Variants in AGMO observed in about 807,000 individuals in gnomAD.
AGMO encodes the protein alkylglycerol monooxygenase, also known as glyceryl-ether monooxygenase.
A neutral mutation model predicts 60.2 loss-of-function variants in AGMO; 75 were observed. That is an observed-to-expected ratio of 1.25 (90% CI 1.03 to 1.51). The LOEUF is 1.51. Among genes scored for constraint, AGMO ranks in the 40% most tolerant of loss-of-function variants. The probability of loss-of-function intolerance (pLI) is 0.00; values close to 1 mark genes in which losing one functional copy is unlikely to be tolerated. For missense variants in AGMO, 763 were observed against 525.5 expected (o/e 1.45, Z -4.42); for synonymous variants, 261 against 177.1 (o/e 1.47, Z -3.76).
In AGMO at chr7:15,561,940, C is replaced by T. The variant is rs1302731888; in HGVS notation, c.-95G>A. 1 of 1,345,618 alleles carries T rather than the reference C, an allele frequency of 7.4e-7. No individual in the cohort carries two copies. Among genetic ancestry groups the T allele is most frequent in the Admixed American group, 2.4e-5 (1 of 41,586 alleles). The allele number at this position is 1,345,618 out of a possible 1,614,324, so 83.4% of individuals were successfully genotyped here. On this transcript the variant is annotated 5_prime_UTR_variant, in exon 1 of 13. Coordinates refer to ENST00000342526, the MANE Select transcript of AGMO (RefSeq NM_001004320.2). Reference sequence around the variant, plus strand: ...AGAGGACGAGATGTGCAGCTCAGAACAAGCTCTTTGTCAGAGAACAGCTAA... The same window carrying T: ...AGAGGACGAGATGTGCAGCTCAGAATAAGCTCTTTGTCAGAGAACAGCTAA...
At chr7:15,484,387 C>T (rs745854393) in intron 3 of AGMO, among the ~76,000 whole-genome samples, 5 of 152,024 alleles carry the variant, frequency 3.3e-5, no homozygotes, top group Non-Finnish European at 7.4e-5. Flanking sequence ...GAAAGATAGA[C>T]AGTAGTGGTC....
the AGMO span, among the ~76,000 whole-genome samples, chr7:15,164,068 G>C: frequency 6.6e-6 from 1 of 152,060 alleles, no homozygotes; most frequent in Admixed American, 6.6e-5. Context: ...GAATAAAACA[G>C]AATAGAGAAC....
chr7:15,125,597 T>C, the AGMO span, among the ~76,000 whole-genome samples: 1 of 152,228 alleles, frequency 6.6e-6, no homozygotes, highest in African/African-American at 2.4e-5. Flanking sequence ...TGTTTATGCT[T>C]ACCAGGTGTC....
the AGMO span, among the ~76,000 whole-genome samples, chr7:15,143,181 T>C: frequency 6.6e-6 from 1 of 152,252 alleles, no homozygotes; most frequent in African/African-American, 2.4e-5. Flanking sequence ...CTCCAAGGAT[T>C]TGGAGTGCTT....
chr7:15,159,383 T>C, the AGMO span, among the ~76,000 whole-genome samples: 1 of 152,188 alleles, frequency 6.6e-6, no homozygotes, highest in Non-Finnish European at 1.5e-5. Context: ...AGAGATTGAT[T>C]GCTTTGTTTT....
chr7:15,530,784 CTA>C, intron 3 of AGMO, among the ~76,000 whole-genome samples: 1 of 114,594 alleles, frequency 8.7e-6, no homozygotes, highest in Non-Finnish European at 1.7e-5. Flanking sequence ...TATATATATT[CTA>C]TATATACATT....
At chr7:15,325,266 A>G (rs989244973) in intron 12 of AGMO, among the ~76,000 whole-genome samples, 16 of 152,230 alleles carry the variant, frequency 1.1e-4, no homozygotes, top group African/African-American at 3.9e-4. Context: ...GAAGGCATTA[A>G]AGGCTAATAA....
chr7:15,182,548 C>T, the AGMO span, among the ~76,000 whole-genome samples: 48 of 152,084 alleles, frequency 3.2e-4, no homozygotes, highest in African/African-American at 1.1e-3. Context: ...CCCGAGTAGC[C>T]GGGACTGCAT....
chr7:15,476,894 G>T (rs1782605731), intron 3 of AGMO, among the ~76,000 whole-genome samples: 1 of 152,062 alleles, frequency 6.6e-6, no homozygotes. Context: ...ATGGTTAAAT[G>T]ATATAAATGA....
At chr7:15,554,168 A>G (rs1332830816) in intron 2 of AGMO, among the ~76,000 whole-genome samples, 2 of 152,058 alleles carry the variant, frequency 1.3e-5, no homozygotes, top group African/African-American at 4.8e-5. Context: ...AAGACCTTGA[A>G]TCATAAACCA....
downstream of AGMO, among the ~76,000 whole-genome samples, chr7:15,197,591 G>A (rs1451114965): frequency 6.6e-6 from 1 of 152,178 alleles, no homozygotes; most frequent in African/African-American, 2.4e-5. Context: ...ATAGAGCTAA[G>A]GTAATGAGCA....
At chr7:15,274,284 T>A (rs1438586592) in intron 12 of AGMO, among the ~76,000 whole-genome samples, 1 of 152,184 alleles carries the variant, frequency 6.6e-6, no homozygotes, top group Non-Finnish European at 1.5e-5. Context: ...CTTATTGAGA[T>A]ATGTCTCATC....
chr7:15,302,153 GA>G (rs1237713523), intron 12 of AGMO, among the ~76,000 whole-genome samples: 1 of 152,060 alleles, frequency 6.6e-6, no homozygotes, highest in Admixed American at 6.6e-5. Flanking sequence ...TTGAGTCAAT[GA>G]ATTAATTGGT....
At chr7:15,541,645 T>C (rs1784633596) in intron 3 of AGMO, among the ~76,000 whole-genome samples, 1 of 152,118 alleles carries the variant, frequency 6.6e-6, no homozygotes. Context: ...TATCTTGGCA[T>C]AGTGATAGAG....
chr7:15,414,091 T>G (rs1780690277), intron 5 of AGMO, among the ~76,000 whole-genome samples: 1 of 151,720 alleles, frequency 6.6e-6, no homozygotes, highest in East Asian at 1.9e-4. Context: ...CACTGCAAGC[T>G]CCGCCTCCCA....
chr7:15,341,540 C>T (rs941047240), intron 12 of AGMO, among the ~76,000 whole-genome samples: 3 of 152,168 alleles, frequency 2.0e-5, no homozygotes, highest in Non-Finnish European at 4.4e-5. Flanking sequence ...AAGTTTCCCA[C>T]ATCTTTCTGT....
intron 5 of AGMO, among the ~76,000 whole-genome samples, chr7:15,406,559 TACACAC>T (rs201255638): frequency 1.0e-3 from 67 of 65,918 alleles, no homozygotes; most frequent in East Asian, 3.1e-3. Flanking sequence ...TTGTTTGGAA[TACACAC>T]ACACACACAC....
intron 3 of AGMO, among the ~76,000 whole-genome samples, chr7:15,438,453 A>G (rs1781459765): frequency 6.6e-6 from 1 of 152,238 alleles, no homozygotes; most frequent in Non-Finnish European, 1.5e-5. Context: ...TACATAAAGT[A>G]ATGATTATTT....
In AGMO at chr7:15,501,959, T is replaced by C. The variant is rs140685548; in HGVS notation, c.409+42813A>G. Among the ~76,000 whole-genome samples, 90 of 152,136 alleles carry C rather than the reference T, an allele frequency of 5.9e-4. 1 individual carries two copies. The highest frequency in any genetic ancestry group is 2.1e-3 in the African/African-American group (87 of 41,532). On this transcript the variant is annotated intron_variant, in intron 3 of 12. Transcript: ENST00000342526. ...ATTTTTCCTTTAAAAATAAATGTCATCAAACTTGCCCAGAGAATATAAAAT... is the reference window on the plus strand; with the variant it reads ...ATTTTTCCTTTAAAAATAAATGTCACCAAACTTGCCCAGAGAATATAAAAT...
Sources: allele counts gnomAD v4.1 joint callset (sites outside exome capture counted in the v4.1 genomes callset), GRCh38; gene constraint gnomAD v4.1.1; transcripts MANE v1.5; gene names NCBI Gene and HGNC (gene_info 2026-07-23, HGNC 2026-07-21).